EAF2: variants seen among roughly 807,000 people sequenced by gnomAD.
The protein encoded by EAF2 is ELL associated factor 2.
In EAF2, 29 loss-of-function variants were observed where a neutral mutation model predicts 29.4. The ratio of observed to expected loss-of-function variants is 0.99; its 90% CI spans 0.73 to 1.35. The LOEUF is 1.35. Among genes scored for constraint, EAF2 ranks in the 40% most tolerant of loss-of-function variants. EAF2 has a pLI of 0.00. For missense variants in EAF2, 292 were observed against 312.0 expected, an observed-to-expected ratio of 0.94 and a Z score of 0.48; for synonymous variants, 103 against 102.5, an observed-to-expected ratio of 1.00 and a Z score of -0.03.
At position 121,857,040 on chromosome 3, in the gene EAF2, G is replaced by C; in HGVS notation, c.368G>C (p.Arg123Pro). Residue 123 changes from arginine (R) to proline (P), a missense_variant, in exon 4 of 6, where the codon CGT (arginine) becomes CCT (proline). Arg to Pro is a moderately radical substitution (Grantham distance 103). Transcript: ENST00000273668. Reference protein sequence around the residue: ...RVEGSSKIQYRKEQQQQQMWN... With the variant: ...RVEGSSKIQYPKEQQQQQMWN... The stretch of plus-strand genomic sequence containing the variant: ...GAAGGAAGCAGTAAAATTCAGTATC[G>C]TAAAGAACAACAGCAACAACAAATG... The C allele has an allele frequency of 6.2e-7, 1 of 1,613,288 alleles. No individual in the cohort carries two copies. The highest frequency in any genetic ancestry group is 8.5e-7 in the Non-Finnish European group (1 of 1,179,708).
intron 5 of EAF2, among the ~76,000 whole-genome samples, chr3:121,885,496 A>G (rs1709267452): frequency 2.0e-5 from 3 of 152,194 alleles, no homozygotes; most frequent in African/African-American, 7.2e-5. Context: ...ACAAAATCCA[A>G]AGTTTTTACC....
chr3:121,884,497 G>A (rs974005357), intron 5 of EAF2, among the ~76,000 whole-genome samples: 1 of 150,942 alleles, frequency 6.6e-6, no homozygotes, highest in African/African-American at 2.4e-5. Context: ...GCGTGATCTC[G>A]GCTTACTGCA....
At chr3:121,869,028 C>A (rs1397018558) in intron 4 of EAF2, among the ~76,000 whole-genome samples, 1 of 152,098 alleles carries the variant, frequency 6.6e-6, no homozygotes, top group Non-Finnish European at 1.5e-5. Context: ...ATGTATCTGA[C>A]CATAATGGAT....
chr3:121,858,046 C>A (rs1046395964), intron 4 of EAF2, among the ~76,000 whole-genome samples: 2 of 152,174 alleles, frequency 1.3e-5, no homozygotes, highest in African/African-American at 4.8e-5. Context: ...ATATGTGCCA[C>A]ATTTTCTTAA....
In EAF2 at chr3:121,849,910, C is replaced by T. The variant is rs34383101; in HGVS notation, c.202-4777C>T. Among the ~76,000 whole-genome samples, 344 of 138,294 alleles carry T rather than the reference C, an allele frequency of 2.5e-3. 1 individual carries two copies. The highest frequency in any genetic ancestry group is 3.6e-3 in the Admixed American group (51 of 14,180). The allele number at this position is 138,294 out of a possible 152,430, so 90.7% of individuals were successfully genotyped here. A position where few individuals can be genotyped will look rare whatever the true frequency, so the allele number is the denominator to read the frequency against. ...ATTTTTGTGTTTTTAAGCTTAAGTG[C>T]CTACTTCTCTGATATATATATATAT... On this transcript the variant is annotated intron_variant, in intron 2 of 5. Transcript: ENST00000273668.
At chr3:121,835,485 T>G in intron 1 of EAF2, 94 bp downstream of exon 1, 1 of 1,122,132 alleles carries the variant, frequency 8.9e-7, no homozygotes, top group Non-Finnish European at 1.3e-6. Context: ...ACAGTACCCC[T>G]TACACTGTTG....
chr3:121,856,988 A>G lies in EAF2; in HGVS notation c.339-23A>G, dbSNP rs538157889. The G allele has an allele frequency of 6.3e-5, 101 of 1,597,434 alleles. No homozygotes were observed. The South Asian group carries it at 1.1e-3, about 17-fold the overall frequency. On this transcript the variant is annotated intron_variant, in intron 3 of 5. Transcript: ENST00000273668. ...TTACATTGCTGTCATACCTGTTTCAATATTTGATATTCTTAATTGCAGAGT... is the reference window on the plus strand; with the variant it reads ...TTACATTGCTGTCATACCTGTTTCAGTATTTGATATTCTTAATTGCAGAGT...
chr3:121,841,599 G>A (rs1444547484), intron 1 of EAF2, among the ~76,000 whole-genome samples: 2 of 144,876 alleles, frequency 1.4e-5, no homozygotes, highest in Non-Finnish European at 1.5e-5. Context: ...CCAGCCAGGC[G>A]CAGTGGCTCA....
chr3:121,872,410 C>T (rs1709029771), intron 4 of EAF2, 127 bp from the exon 5 acceptor site: 1 of 703,588 alleles, frequency 1.4e-6, no homozygotes. Context: ...TAAAATGCTT[C>T]AAGTACTGTA....
chr3:121,877,673 A>T (rs1394696651), intron 5 of EAF2, among the ~76,000 whole-genome samples: 1 of 152,014 alleles, frequency 6.6e-6, no homozygotes, highest in Admixed American at 6.6e-5. Flanking sequence ...GAATACTGTT[A>T]TGAAGATAAA....
chr3:121,858,353 T>C (rs1170250447), intron 4 of EAF2, among the ~76,000 whole-genome samples: 1 of 152,266 alleles, frequency 6.6e-6, no homozygotes, highest in Admixed American at 6.5e-5. Context: ...TTTTTAATGA[T>C]CGCCATTCTA....
chr3:121,848,696 C>T (rs1576640199), intron 2 of EAF2, among the ~76,000 whole-genome samples: 1 of 152,090 alleles, frequency 6.6e-6, no homozygotes, highest in African/African-American at 2.4e-5. Flanking sequence ...AATCGTGATA[C>T]ATACTGTACA....
chr3:121,840,211 A>T lies in EAF2; in HGVS notation c.107-4242A>T, dbSNP rs868508358. Among the ~76,000 whole-genome samples the T allele has an allele frequency of 1.7e-4, 18 of 107,906 alleles. No individual in the cohort carries two copies. The South Asian group carries it at 4.0e-3, about 24-fold the overall frequency. 70.8% of individuals were successfully genotyped at this position (107,906 alleles called of 152,430 possible). On this transcript the variant is annotated intron_variant, in intron 1 of 5. Coordinates refer to ENST00000273668, the MANE Select transcript of EAF2 (RefSeq NM_018456.6). ...CAGGAAAAAAAAAAAAAAAAAAAAAAGCCAGGCGCGGTGGCTCACGCCTGT... is the reference window on the plus strand; with the variant it reads ...CAGGAAAAAAAAAAAAAAAAAAAAATGCCAGGCGCGGTGGCTCACGCCTGT...
chr3:121,858,721 G>A (rs969660880), intron 4 of EAF2, among the ~76,000 whole-genome samples: 1 of 152,144 alleles, frequency 6.6e-6, no homozygotes, highest in Non-Finnish European at 1.5e-5. Flanking sequence ...TGCTTTTGAT[G>A]TTTTAGTCAT....
At chr3:121,844,241 A>G (rs916001809) in intron 1 of EAF2, among the ~76,000 whole-genome samples, 5 of 152,170 alleles carry the variant, frequency 3.3e-5, no homozygotes, top group South Asian at 2.1e-4. Context: ...ATTCTGTTTT[A>G]GAGTATAGCT....
At chr3:121,858,258 A>G (rs1190651866) in intron 4 of EAF2, among the ~76,000 whole-genome samples, 2 of 152,256 alleles carry the variant, frequency 1.3e-5, no homozygotes, top group Non-Finnish European at 2.9e-5. Flanking sequence ...GTCTTCCGCA[A>G]TGGTTGAACT....
At chr3:121,855,815 G>A (rs578117451) in intron 3 of EAF2, among the ~76,000 whole-genome samples, 1 of 152,170 alleles carries the variant, frequency 6.6e-6, no homozygotes, top group Non-Finnish European at 1.5e-5. Context: ...TGAGGTTAGT[G>A]CCATCAATAT....
intron 2 of EAF2, among the ~76,000 whole-genome samples, chr3:121,847,009 C>T (rs1307147538): frequency 1.3e-5 from 2 of 152,254 alleles, no homozygotes; most frequent in East Asian, 1.9e-4. Flanking sequence ...GAAAAAGTCA[C>T]TACCACCACC....
intron 5 of EAF2, among the ~76,000 whole-genome samples, chr3:121,874,241 G>C (rs1012090610): frequency 1.3e-5 from 2 of 151,786 alleles, no homozygotes; most frequent in Non-Finnish European, 1.5e-5. Context: ...CCTAATAATA[G>C]AACTAAAGAA....
Sources: gnomAD v4.1 joint callset for allele counts (sites outside exome capture counted in the v4.1 genomes callset) on GRCh38, gnomAD v4.1.1 for gene constraint, MANE v1.5 for transcripts, NCBI Gene and HGNC (gene_info 2026-07-23, HGNC 2026-07-21) for gene names.